AOPEP: variants seen among roughly 807,000 people sequenced by gnomAD.
The protein encoded by AOPEP is aminopeptidase O (putative).
In AOPEP, 77 loss-of-function variants were observed where a neutral mutation model predicts 98.1. The ratio of observed to expected loss-of-function variants is 0.78; its 90% CI spans 0.65 to 0.95. The LOEUF is 0.95. Ranked by LOEUF, AOPEP falls within the 40% of genes least tolerant of loss-of-function variation. The pLI is 0.00. For synonymous variants in AOPEP, 346 were observed against 365.3 expected (o/e 0.95, Z 0.60); for missense variants, 1,024 against 1,024.7 (o/e 1.00, Z 0.01).
At chr9:94,756,262 A>G (rs1419018547) in intron 1 of AOPEP, among the ~76,000 whole-genome samples, 4 of 149,612 alleles carry the variant, frequency 2.7e-5, no homozygotes, top group Admixed American at 2.0e-4. Context: ...AAAAAAAAAA[A>G]GATGGCAACC....
Position 94,856,637 on chromosome 9 carries a change from G to A in AOPEP, c.1364+55635G>A, listed in dbSNP as rs527932914. Among the ~76,000 whole-genome samples the A allele has an allele frequency of 4.2e-4, 44 of 105,066 alleles. No individual in the cohort carries two copies. The East Asian group carries it at 0.013, about 32-fold the overall frequency. 68.9% of individuals were successfully genotyped at this position (105,066 alleles called of 152,430 possible). A position where few individuals can be genotyped will look rare whatever the true frequency, so the allele number is the denominator to read the frequency against. Reference sequence around the variant, plus strand: ...GCCTGGGCAGCAAGAGTGAAACTCCGTCTTAAAAAAAAAAAAAAAAAAAAA... The same window carrying A: ...GCCTGGGCAGCAAGAGTGAAACTCCATCTTAAAAAAAAAAAAAAAAAAAAA... On this transcript the variant is annotated intron_variant, in intron 5 of 16. Transcript: ENST00000375315.
chr9:94,921,703 A>C (rs916539267), intron 5 of AOPEP, among the ~76,000 whole-genome samples: 1 of 152,190 alleles, frequency 6.6e-6, no homozygotes, highest in Non-Finnish European at 1.5e-5. Context: ...ATAGCCCCAG[A>C]GTATCCAGTA....
Position 94,760,314 on chromosome 9 carries a change from G to A in AOPEP, c.531G>A (p.Thr177=), listed in dbSNP as rs562433158. 5.1e-5 allele frequency: 83 copies of A among 1,614,000 alleles called. No homozygotes were observed. The highest frequency in any genetic ancestry group is 6.2e-5 in the Non-Finnish European group (73 of 1,180,018). ...LEKFTRSPEL[T]VVSEEFRNQI... ...AATTTACAAGGTCTCCTGAGCTCAC[G>A]GTTGTTTCTGAGGAGTTCAGGAATC... is the stretch of plus-strand genomic sequence containing the variant. The change falls in exon 2 of 17, where the codon ACG becomes ACA. Residue 177 remains threonine, a synonymous_variant. Coordinates refer to ENST00000375315, the MANE Select transcript of AOPEP (RefSeq NM_001193329.3).
chr9:94,918,511 C>A (rs571622738), intron 5 of AOPEP, among the ~76,000 whole-genome samples: 1 of 152,320 alleles, frequency 6.6e-6, no homozygotes, highest in Admixed American at 6.5e-5. Context: ...AGCCACAGGT[C>A]TAAACCCAGT....
intron 5 of AOPEP, among the ~76,000 whole-genome samples, chr9:94,825,882 A>G (rs566232975): frequency 6.6e-6 from 1 of 152,376 alleles, no homozygotes; most frequent in Admixed American, 6.5e-5. Context: ...TCAGCCTAGG[A>G]ATAACCTTTA....
intron 1 of AOPEP, among the ~76,000 whole-genome samples, chr9:94,746,662 C>T (rs1049105412): frequency 6.6e-6 from 1 of 152,162 alleles, no homozygotes; most frequent in African/African-American, 2.4e-5. Flanking sequence ...AACCCAAATG[C>T]CTGCTGATAA....
chr9:94,786,132 T>TACA (rs140987506), intron 3 of AOPEP, among the ~76,000 whole-genome samples: 3 of 152,200 alleles, frequency 2.0e-5, no homozygotes, highest in African/African-American at 7.2e-5. Flanking sequence ...AGATGAAGAC[T>TACA]ACAACAACAA....
At chr9:95,086,160 C>G (rs1342459970) in intron 16 of AOPEP, 5 of 1,339,916 alleles carry the variant, frequency 3.7e-6, no homozygotes, top group Admixed American at 2.0e-5. Context: ...CTCCCACTCG[C>G]GGCAGACAGG....
intron 13 of AOPEP, among the ~76,000 whole-genome samples, chr9:95,054,950 C>T (rs781284415): frequency 3.3e-5 from 5 of 152,132 alleles, no homozygotes; most frequent in African/African-American, 7.2e-5. Context: ...CAATTTTATG[C>T]CCCACAAATA....
At chr9:94,789,896 C>T (rs1287504245) in intron 3 of AOPEP, among the ~76,000 whole-genome samples, 2 of 148,896 alleles carry the variant, frequency 1.3e-5, no homozygotes, top group Non-Finnish European at 3.0e-5. Context: ...TTTTTTTAGA[C>T]GGAGTCTCGC....
At chr9:94,832,083 A>G (rs1588444722) in intron 5 of AOPEP, among the ~76,000 whole-genome samples, 1 of 152,206 alleles carries the variant, frequency 6.6e-6, no homozygotes, top group East Asian at 1.9e-4. Flanking sequence ...CCCAGAACCA[A>G]TAGAAGGAAA....
At chr9:94,735,316 G>A (rs1387844570) in intron 1 of AOPEP, among the ~76,000 whole-genome samples, 1 of 152,202 alleles carries the variant, frequency 6.6e-6, no homozygotes, top group African/African-American at 2.4e-5. Flanking sequence ...TGCCTCCTGG[G>A]TTCACGCCAT....
At chr9:95,022,440 C>T (rs571918410) in intron 13 of AOPEP, among the ~76,000 whole-genome samples, 65 of 152,252 alleles carry the variant, frequency 4.3e-4, no homozygotes, top group African/African-American at 1.4e-3. Context: ...TGGGTTCAAG[C>T]GATTCTCCTG....
intron 5 of AOPEP, among the ~76,000 whole-genome samples, chr9:94,863,608 GT>G (rs1243384018): frequency 6.6e-6 from 1 of 151,908 alleles, no homozygotes; most frequent in African/African-American, 2.4e-5. Flanking sequence ...TAGAGACAGG[GT>G]TTTGCCATGT....
At chr9:95,106,027 T>A in the AOPEP span, among the ~76,000 whole-genome samples, 3 of 152,308 alleles carry the variant, frequency 2.0e-5, no homozygotes, top group Non-Finnish European at 2.9e-5. Context: ...AGTTTGGCTG[T>A]TTGAGGAACC....
At chr9:94,938,758 C>T (rs1419070162) in intron 7 of AOPEP, among the ~76,000 whole-genome samples, 3 of 152,022 alleles carry the variant, frequency 2.0e-5, no homozygotes, top group Non-Finnish European at 4.4e-5. Flanking sequence ...ATTTTATGTT[C>T]CAAGAATGAC....
chr9:95,017,543 A>T (rs1479384439), intron 13 of AOPEP, among the ~76,000 whole-genome samples: 2 of 152,200 alleles, frequency 1.3e-5, no homozygotes, highest in African/African-American at 4.8e-5. Flanking sequence ...GTGTGGCTCT[A>T]CCTTCAACAT....
intron 7 of AOPEP, among the ~76,000 whole-genome samples, chr9:94,936,837 G>A (rs1402942637): frequency 6.6e-6 from 1 of 152,172 alleles, no homozygotes; most frequent in East Asian, 1.9e-4. Context: ...ATTTGCTAGA[G>A]CAGCTGACAG....
chr9:94,945,657 A>G (rs2057536716), intron 7 of AOPEP, among the ~76,000 whole-genome samples: 1 of 152,036 alleles, frequency 6.6e-6, no homozygotes, highest in Non-Finnish European at 1.5e-5. Context: ...TCCAGCTCCC[A>G]CGGGCCATCT....
Sources: gnomAD v4.1 joint callset for allele counts (sites outside exome capture counted in the v4.1 genomes callset) on GRCh38, gnomAD v4.1.1 for gene constraint, MANE v1.5 for transcripts, NCBI Gene and HGNC (gene_info 2026-07-23, HGNC 2026-07-21) for gene names.